Variants in TESK2 observed in about 807,000 individuals in gnomAD.
TESK2 encodes dual specificity testis-specific protein kinase 2.
A neutral mutation model predicts 57.1 loss-of-function variants in TESK2; 39 were observed. That is an observed-to-expected ratio of 0.68 (90% CI 0.53 to 0.89). The LOEUF is 0.89. TESK2 is among the 40% of genes least tolerant of loss of function. TESK2 has a pLI of 0.00. For missense variants in TESK2, 646 were observed against 732.1 expected (o/e 0.88, Z 1.36); for synonymous variants, 249 against 267.9 (o/e 0.93, Z 0.69).
At chr1:45,356,920 G>A (rs1010388267) in intron 4 of TESK2, among the ~76,000 whole-genome samples, 8 of 152,096 alleles carry the variant, frequency 5.3e-5, no homozygotes, top group Non-Finnish European at 8.8e-5. Context: ...ACGGCCGGGC[G>A]CAATGGCTCA....
chr1:45,363,828 C>G (rs1470267051), intron 4 of TESK2, among the ~76,000 whole-genome samples: 1 of 151,848 alleles, frequency 6.6e-6, no homozygotes, highest in African/African-American at 2.4e-5. Context: ...AGGATTGAAT[C>G]TCATCTCAGA....
In TESK2 at chr1:45,457,909, T is replaced by C; in HGVS notation, c.-86-38A>G. 3 of 714,528 alleles carry C rather than the reference T, an allele frequency of 4.2e-6. No individual in the cohort carries two copies. In the East Asian group the frequency reaches 8.1e-5, roughly 19 times the overall value. The allele number at this position is 714,528 out of a possible 1,614,324, so 44.3% of individuals were successfully genotyped here. On this transcript the variant is annotated intron_variant, in intron 1 of 10. Coordinates refer to ENST00000372086, the MANE Select transcript of TESK2 (RefSeq NM_007170.3). ...AAAAAATTTCCACTGAAATCTTTAATGAATAAATACATGTAAAGCAATAAA... is the reference window on the plus strand; with the variant it reads ...AAAAAATTTCCACTGAAATCTTTAACGAATAAATACATGTAAAGCAATAAA...
At chr1:45,371,217 T>A (rs6700975) in intron 4 of TESK2, among the ~76,000 whole-genome samples, 67 of 152,150 alleles carry the variant, frequency 4.4e-4, no homozygotes, top group Middle Eastern at 3.4e-3. Flanking sequence ...AAGTTAAAAA[T>A]AGAACTACTA....
At chr1:45,469,839 C>T (rs1055402311) in intron 1 of TESK2, among the ~76,000 whole-genome samples, 13 of 152,194 alleles carry the variant, frequency 8.5e-5, no homozygotes, top group African/African-American at 3.1e-4. Flanking sequence ...ACAGTATCTG[C>T]TGTTTCTCAC....
At chr1:45,460,415 G>T (rs1464422278) in intron 1 of TESK2, among the ~76,000 whole-genome samples, 1 of 152,086 alleles carries the variant, frequency 6.6e-6, no homozygotes, top group African/African-American at 2.4e-5. Flanking sequence ...AGCTACTCGG[G>T]AAGCTGAGGC....
At chr1:45,473,211 C>T (rs1314179565) in intron 1 of TESK2, among the ~76,000 whole-genome samples, 1 of 150,714 alleles carries the variant, frequency 6.6e-6, no homozygotes, top group African/African-American at 2.4e-5. Context: ...CAGAATATGA[C>T]TCTAGGTAAT....
At position 45,448,549 on chromosome 1, in the gene TESK2, T is replaced by C. The variant is rs571016077; in HGVS notation, c.222+9015A>G. ...AAGGTGACGGGGTGGGGGCAGCATG[T>C]CACATGGGGAGAGTGAGATCAAGAG... On this transcript the variant is annotated intron_variant, in intron 2 of 10. Transcript: ENST00000372086. 2.6e-5 allele frequency among the ~76,000 whole-genome samples: 4 copies of C among 152,054 alleles called. No individual in the cohort carries two copies. In the South Asian group the frequency reaches 8.3e-4, roughly 32 times the overall value.
intron 4 of TESK2, among the ~76,000 whole-genome samples, chr1:45,361,242 A>T (rs1386162539): frequency 6.6e-6 from 1 of 152,222 alleles, no homozygotes; most frequent in Non-Finnish European, 1.5e-5. Context: ...CAGAGACAAG[A>T]GCAACTGCAT....
intron 3 of TESK2, among the ~76,000 whole-genome samples, chr1:45,402,199 G>A (rs1649652867): frequency 6.6e-6 from 1 of 151,570 alleles, no homozygotes; most frequent in South Asian, 2.1e-4. Context: ...GGACCAGTCT[G>A]GGCAACATAG....
At chr1:45,462,656 T>C (rs1005867524) in intron 1 of TESK2, among the ~76,000 whole-genome samples, 1 of 152,198 alleles carries the variant, frequency 6.6e-6, no homozygotes, top group Non-Finnish European at 1.5e-5. Flanking sequence ...AACATTTAGG[T>C]TGCTTCCAAA....
chr1:45,419,334 A>C (rs764807932), intron 3 of TESK2, among the ~76,000 whole-genome samples: 3 of 152,328 alleles, frequency 2.0e-5, no homozygotes, highest in Non-Finnish European at 4.4e-5. Context: ...TAAGGCACTT[A>C]AGAGTTTATT....
intron 3 of TESK2, among the ~76,000 whole-genome samples, chr1:45,415,833 T>C (rs1258570098): frequency 6.6e-6 from 1 of 152,144 alleles, no homozygotes; most frequent in Non-Finnish European, 1.5e-5. Flanking sequence ...ATCTAGAATC[T>C]AGAGCAAGCT....
intron 2 of TESK2, among the ~76,000 whole-genome samples, chr1:45,435,562 ATTTTTTT>A (rs750074178): frequency 6.0e-4 from 41 of 68,890 alleles, no homozygotes; most frequent in Middle Eastern, 0.011. Flanking sequence ...CTGTGGTCTA[ATTTTTTT>A]TTTTTTTTTT....
In TESK2 at chr1:45,343,994, G is replaced by A. The variant is rs1376004071; in HGVS notation, c.*846C>T. Reference sequence around the variant, plus strand: ...AAATATTTGACCAGCTTCATCTTTGGTTATTTCTTATTGCAGCTCTGTAAG... The same window carrying A: ...AAATATTTGACCAGCTTCATCTTTGATTATTTCTTATTGCAGCTCTGTAAG... On this transcript the variant is annotated 3_prime_UTR_variant, in exon 11 of 11. Transcript: ENST00000372086. The surrounding 1 kb of genome is among the most constrained non-coding windows in gnomAD (Gnocchi z 4.3). 3 of 349,576 alleles carry A rather than the reference G, an allele frequency of 8.6e-6. No individual in the cohort carries two copies. The East Asian group carries it at 1.7e-4, about 20-fold the overall frequency. The allele number at this position is 349,576 out of a possible 1,614,324, so 21.7% of individuals were successfully genotyped here.
At chr1:45,425,185 T>G (rs75666281) in intron 2 of TESK2, among the ~76,000 whole-genome samples, 1 of 152,136 alleles carries the variant, frequency 6.6e-6, no homozygotes, top group Non-Finnish European at 1.5e-5. Flanking sequence ...AAAAAAACTA[T>G]TAGAACTGAT....
chr1:45,475,189 G>C (rs984731766), intron 1 of TESK2, among the ~76,000 whole-genome samples: 1 of 147,156 alleles, frequency 6.8e-6, no homozygotes, highest in Non-Finnish European at 1.5e-5. Flanking sequence ...AGGAAGTTAG[G>C]TTCCTTGTGT....
intron 1 of TESK2, among the ~76,000 whole-genome samples, chr1:45,479,481 G>T (rs887374961): frequency 3.6e-4 from 54 of 151,850 alleles, no homozygotes; most frequent in Non-Finnish European, 6.9e-4. Context: ...GCCCAGGTTG[G>T]AGTGCAATGG....
intron 3 of TESK2, among the ~76,000 whole-genome samples, chr1:45,419,958 T>G (rs927819184): frequency 6.6e-6 from 1 of 152,202 alleles, no homozygotes; most frequent in African/African-American, 2.4e-5. Flanking sequence ...TTCCATAATT[T>G]AATACCATTG....
At chr1:45,453,002 C>T (rs952563673) in intron 2 of TESK2, among the ~76,000 whole-genome samples, 5 of 151,452 alleles carry the variant, frequency 3.3e-5, no homozygotes, top group East Asian at 3.9e-4. Flanking sequence ...GCTATGATCA[C>T]GCCACTGCAC....
Sources: gnomAD v4.1 joint callset for allele counts (sites outside exome capture counted in the v4.1 genomes callset) on GRCh38, gnomAD v4.1.1 for gene constraint, Gnocchi (gnomAD v3.1) non-coding constraint, MANE v1.5 for transcripts, NCBI Gene and HGNC (gene_info 2026-07-23, HGNC 2026-07-21) for gene names.